The following NMNAT3 variants were observed in gnomAD, a reference collection of about 807,000 sequenced individuals.
NMNAT3 encodes nicotinamide nucleotide adenylyltransferase 3, also known as nicotinamide/nicotinic acid mononucleotide adenylyltransferase 3.
Under a neutral mutation model 24.8 loss-of-function variants are expected in NMNAT3, and 21 were observed. The observed-to-expected ratio is 0.85, with a 90% confidence interval of 0.60 to 1.22. The LOEUF is 1.22. Among genes scored for constraint, NMNAT3 ranks in the 50% most tolerant of loss-of-function variants. The pLI is 0.00. For synonymous variants in NMNAT3, 136 were observed against 155.2 expected (o/e 0.88, Z 0.92); for missense variants, 387 against 436.6 (o/e 0.89, Z 1.01).
chr3:139,592,482 C>A (rs1217958232), intron 3 of NMNAT3, among the ~76,000 whole-genome samples: 6 of 152,166 alleles, frequency 3.9e-5, no homozygotes, highest in African/African-American at 1.4e-4. Flanking sequence ...CACAAAGATA[C>A]TCCTCGAGAA....
intron 3 of NMNAT3, among the ~76,000 whole-genome samples, chr3:139,625,210 T>C (rs1026966101): frequency 6.6e-6 from 1 of 152,238 alleles, no homozygotes; most frequent in African/African-American, 2.4e-5. Flanking sequence ...CTCTTACTTT[T>C]AACCTATTTG....
intron 1 of NMNAT3, among the ~76,000 whole-genome samples, chr3:139,669,280 C>T (rs1441838317): frequency 6.6e-6 from 1 of 151,754 alleles, no homozygotes; most frequent in Non-Finnish European, 1.5e-5. Context: ...CAAAACCAGC[C>T]TGAACAATAT....
intron 1 of NMNAT3, among the ~76,000 whole-genome samples, chr3:139,668,518 A>C (rs189996208): frequency 1.3e-5 from 2 of 152,382 alleles, no homozygotes; most frequent in Non-Finnish European, 2.9e-5. Flanking sequence ...AGTCATTGAC[A>C]AATAGAATAC....
chr3:139,627,492 T>A (rs1023230593), intron 3 of NMNAT3, 124 bp downstream of exon 4: 2 of 572,664 alleles, frequency 3.5e-6, no homozygotes, highest in African/African-American at 1.9e-5. Flanking sequence ...ATGAAAAAAA[T>A]ATGCCACTAG....
At chr3:139,580,048 G>A (rs538444396) in intron 4 of NMNAT3, among the ~76,000 whole-genome samples, 22 of 152,282 alleles carry the variant, frequency 1.4e-4, no homozygotes, top group Non-Finnish European at 2.8e-4. Flanking sequence ...AGTAAGACAG[G>A]TCTATAATTT....
At chr3:139,596,867 GT>G (rs1165995179) in intron 3 of NMNAT3, among the ~76,000 whole-genome samples, 1 of 140,646 alleles carries the variant, frequency 7.1e-6, no homozygotes, top group African/African-American at 2.7e-5. Context: ...GTCCTTGGCT[GT>G]TCATCTTGTG....
At chr3:139,652,155 C>T (rs73869368) in intron 1 of NMNAT3, among the ~76,000 whole-genome samples, 37 of 152,290 alleles carry the variant, frequency 2.4e-4, no homozygotes, top group African/African-American at 7.7e-4. Context: ...CAGCCAGTGC[C>T]CAGGCCTGGC....
chr3:139,604,872 G>A (rs1052797565), intron 3 of NMNAT3, among the ~76,000 whole-genome samples: 1 of 152,306 alleles, frequency 6.6e-6, no homozygotes, highest in African/African-American at 2.4e-5. Context: ...GGGGAAAAAA[G>A]ACACGAAAAA....
chr3:139,591,849 T>TA (rs1344807497), intron 3 of NMNAT3, among the ~76,000 whole-genome samples: 3 of 152,116 alleles, frequency 2.0e-5, no homozygotes, highest in Non-Finnish European at 4.4e-5. Context: ...CAAAAGTAGA[T>TA]AAAACCACAA....
chr3:139,568,768 G>A (rs1180024235), intron 6 of NMNAT3: 1 of 152,114 alleles, frequency 6.6e-6, no homozygotes, highest in African/African-American at 2.4e-5. Context: ...CCAACTATGT[G>A]GTCAATTTTG....
At chr3:139,574,287 C>A (rs570154779) in intron 5 of NMNAT3, among the ~76,000 whole-genome samples, 2 of 152,344 alleles carry the variant, frequency 1.3e-5, no homozygotes, top group Admixed American at 6.5e-5. Flanking sequence ...GGCTGTGTGA[C>A]CCTGGGTGGG....
intron 2 of NMNAT3, among the ~76,000 whole-genome samples, chr3:139,633,443 G>A (rs1191624686): frequency 6.6e-6 from 1 of 152,104 alleles, no homozygotes; most frequent in Non-Finnish European, 1.5e-5. Flanking sequence ...GCCTCCCAAA[G>A]TGCTGGGATT....
chr3:139,614,570 G>A (rs965062785), intron 3 of NMNAT3, among the ~76,000 whole-genome samples: 1 of 152,244 alleles, frequency 6.6e-6, no homozygotes, highest in Non-Finnish European at 1.5e-5. Context: ...TTATTTTGCA[G>A]AATGTCCCTC....
At chr3:139,656,377 T>C (rs1256226064) in intron 1 of NMNAT3, among the ~76,000 whole-genome samples, 1 of 152,234 alleles carries the variant, frequency 6.6e-6, no homozygotes, top group Non-Finnish European at 1.5e-5. Context: ...CTTAACAGTT[T>C]TGTTATTGTG....
chr3:139,586,764 G>C (rs1323079266), intron 3 of NMNAT3, among the ~76,000 whole-genome samples: 1 of 152,190 alleles, frequency 6.6e-6, no homozygotes, highest in African/African-American at 2.4e-5. Flanking sequence ...CGGGGAATCA[G>C]AGTGCACAGT....
chr3:139,671,818 T>A (rs1559978794), intron 1 of NMNAT3, among the ~76,000 whole-genome samples: 1 of 152,226 alleles, frequency 6.6e-6, no homozygotes, highest in Non-Finnish European at 1.5e-5. Context: ...TCCTACACAC[T>A]AATTCATGTA....
intron 1 of NMNAT3, among the ~76,000 whole-genome samples, chr3:139,643,756 A>G (rs1261467189): frequency 6.6e-6 from 1 of 152,222 alleles, no homozygotes; most frequent in East Asian, 1.9e-4. Flanking sequence ...ATTGTTTAAT[A>G]GGTATAGACT....
intron 1 of NMNAT3, among the ~76,000 whole-genome samples, chr3:139,642,618 G>A (rs566063999): frequency 6.6e-5 from 10 of 152,302 alleles, no homozygotes; most frequent in Non-Finnish European, 1.0e-4. Context: ...GCTGCCTCCA[G>A]AACCTCTTAA....
Position 139,573,609 on chromosome 3 carries a change from G to A in NMNAT3, c.647C>T (p.Ser216Leu), listed in dbSNP as rs150515692. Residue 216 changes from serine (S) to leucine (L), a missense_variant, in exon 6 of 7, where the codon TCG becomes TTG. By Grantham distance (145) the Ser-to-Leu change is moderately radical. Transcript: ENST00000643695. ...GGATCAGCACCCACCTGCAGGGGTC[G>A]AGAAGAGTGCCTTGCCATGGTCTGG... The A allele has an allele frequency of 3.8e-6, 6 of 1,594,796 alleles. No individual in the cohort carries two copies. The highest frequency in any genetic ancestry group is 5.1e-6 in the Non-Finnish European group (6 of 1,171,086).
Sources: allele counts gnomAD v4.1 joint callset (sites outside exome capture counted in the v4.1 genomes callset), GRCh38; gene constraint gnomAD v4.1.1; transcripts MANE v1.5; gene names NCBI Gene and HGNC (gene_info 2026-07-23, HGNC 2026-07-21).